Variants in ANXA7 observed in about 807,000 individuals in gnomAD.
ANXA7 encodes annexin A7.
Under a neutral mutation model 64.9 loss-of-function variants are expected in ANXA7, and 55 were observed. The ratio of observed to expected loss-of-function variants is 0.85; its 90% confidence interval spans 0.68 to 1.06. The LOEUF is 1.06. Ranked by LOEUF, ANXA7 falls within the 50% of genes least tolerant of loss-of-function variation. The probability of loss-of-function intolerance (pLI) is 0.00; values close to 1 mark genes in which losing one functional copy is unlikely to be tolerated. For synonymous variants in ANXA7, 200 were observed against 192.4 expected (o/e 1.04, Z -0.33); for missense variants, 548 against 582.1 (o/e 0.94, Z 0.60).
At chr10:73,386,129 G>A (rs1033320613) in intron 7 of ANXA7, among the ~76,000 whole-genome samples, 1 of 150,442 alleles carries the variant, frequency 6.6e-6, no homozygotes, top group Non-Finnish European at 1.5e-5. Flanking sequence ...CACGAAAATC[G>A]CTCTTGCCTG....
intron 1 of ANXA7, among the ~76,000 whole-genome samples, chr10:73,410,562 C>T (rs941993907): frequency 2.0e-5 from 3 of 152,038 alleles, no homozygotes; most frequent in Non-Finnish European, 4.4e-5. Flanking sequence ...GACGGGCGAT[C>T]ACCTGAGGTT....
chr10:73,398,273 C>G lies in ANXA7; in HGVS notation c.167G>C (p.Gly56Ala). 1 of 1,614,044 alleles carries G rather than the reference C, an allele frequency of 6.2e-7. No individual in the cohort carries two copies. Among genetic ancestry groups the G allele is most frequent in the Non-Finnish European group, 8.5e-7 (1 of 1,180,016 alleles). ...TCCAGGCGCAGGGTAGCCTCCAGCT[C>G]CTGGGTAGCCACTACTTGGCACTTG... Reference protein sequence around the residue: ...YPQVPSSGYPGAGGYPAPGGY... With the variant: ...YPQVPSSGYPAAGGYPAPGGY... Residue 56 changes from glycine (G) to alanine (A), a missense_variant, in exon 3 of 13, where the codon GGA becomes GCA. Coordinates refer to ENST00000372921, the MANE Select transcript of ANXA7 (RefSeq NM_001156.5).
chr10:73,397,091 T>G (rs2055587515), intron 4 of ANXA7, 73 bp downstream of exon 4: 1 of 645,864 alleles, frequency 1.5e-6, no homozygotes. Context: ...AAATATAAAC[T>G]AAGTTCCCTC....
chr10:73,406,264 T>C (rs188121589), intron 1 of ANXA7, among the ~76,000 whole-genome samples: 1 of 152,316 alleles, frequency 6.6e-6, no homozygotes, highest in African/African-American at 2.4e-5. Flanking sequence ...CCAAAACCAG[T>C]GTTTTTCTAT....
intron 7 of ANXA7, among the ~76,000 whole-genome samples, chr10:73,387,245 T>C (rs1008010816): frequency 6.6e-6 from 1 of 152,250 alleles, no homozygotes; most frequent in Non-Finnish European, 1.5e-5. Flanking sequence ...CCAGGCATGG[T>C]GGCTCACGCC....
At chr10:73,409,133 C>T (rs887912019) in intron 1 of ANXA7, among the ~76,000 whole-genome samples, 3 of 152,214 alleles carry the variant, frequency 2.0e-5, no homozygotes, top group African/African-American at 7.2e-5. Context: ...ACTTTCACCA[C>T]TCCTATTCGA....
At chr10:73,397,070 C>A in intron 4 of ANXA7, 94 bp downstream of exon 4, 2 of 501,922 alleles carry the variant, frequency 4.0e-6, no homozygotes, top group Non-Finnish European at 3.5e-6. Flanking sequence ...ACATTTATTG[C>A]AGATTATCTC....
Position 73,398,345 on chromosome 10 carries a change from T to C in ANXA7, c.95A>G (p.Tyr32Cys), listed in dbSNP as rs1197147041. The C allele has an allele frequency of 1.9e-6, 3 of 1,613,900 alleles. No individual in the cohort carries two copies. The highest frequency in any genetic ancestry group is 8.5e-7 in the Non-Finnish European group (1 of 1,180,018). ...TGGAGGAAAGCCACTAGGATAAGGA[T>C]ACTGACCAGAAGGGGGAAAAGATGA... ...QESSFPPSGQ[Y>C]PYPSGFPPMG... Residue 32 changes from tyrosine (Y) to cysteine (C), a missense_variant, in exon 3 of 13, where the codon TAT becomes TGT. Tyr to Cys is a radical substitution (Grantham distance 194). Transcript: ENST00000372921.
At chr10:73,381,584 A>G (rs1289286043) in intron 9 of ANXA7, 2 of 152,236 alleles carry the variant, frequency 1.3e-5, no homozygotes, top group African/African-American at 4.8e-5. Context: ...AAAGGTACTC[A>G]CAAAAAATTT....
chr10:73,400,681 C>T (rs74739037), intron 2 of ANXA7, 122 bp downstream of exon 2: 55,054 of 708,630 alleles, frequency 0.078, 3,484 homozygotes, highest in East Asian at 0.28. Context: ...CTCACTTCTA[C>T]GTAGTACCTC....
intron 1 of ANXA7, among the ~76,000 whole-genome samples, chr10:73,404,577 A>C (rs984055014): frequency 6.6e-6 from 1 of 152,204 alleles, no homozygotes; most frequent in Non-Finnish European, 1.5e-5. Context: ...AGACATAATA[A>C]GCAGTCAGGA....
At position 73,380,014 on chromosome 10, in the gene ANXA7, A is replaced by G. The variant is rs2055248937; in HGVS notation, c.1089+17T>C. ...ATCTTACAGCAGAAGCCAAATCTTCAAAAGAAAAGCTCATACCCTAGAATA... is the reference window on the plus strand; with the variant it reads ...ATCTTACAGCAGAAGCCAAATCTTCGAAAGAAAAGCTCATACCCTAGAATA... On this transcript the variant is annotated intron_variant, in intron 10 of 12. Coordinates refer to ENST00000372921, the MANE Select transcript of ANXA7 (RefSeq NM_001156.5). 6.2e-7 allele frequency: 1 copy of G among 1,611,492 alleles called. No homozygotes were observed.
chr10:73,398,494 CT>C, intron 2 of ANXA7, 109 bp from the exon 3 acceptor site: 1 of 1,016,516 alleles, frequency 9.8e-7, no homozygotes, highest in Non-Finnish European at 1.4e-6. Flanking sequence ...CATTCTTTTA[CT>C]TTTTAAAAGT....
At chr10:73,407,829 G>A (rs184417100) in intron 1 of ANXA7, among the ~76,000 whole-genome samples, 1 of 152,232 alleles carries the variant, frequency 6.6e-6, no homozygotes, top group East Asian at 1.9e-4. Flanking sequence ...AGAATAAACG[G>A]ACATAGATTG....
intron 9 of ANXA7, among the ~76,000 whole-genome samples, chr10:73,382,252 C>T (rs1162442731): frequency 6.6e-6 from 1 of 152,226 alleles, no homozygotes; most frequent in African/African-American, 2.4e-5. Flanking sequence ...GCACAATAGG[C>T]AATAACTCTT....
chr10:73,400,037 G>T (rs1448977012), intron 2 of ANXA7, among the ~76,000 whole-genome samples: 1 of 151,620 alleles, frequency 6.6e-6, no homozygotes, highest in Non-Finnish European at 1.5e-5. Context: ...TAGCTACTCG[G>T]GAGGCTGAGG....
chr10:73,382,445 T>A (rs550266394), intron 9 of ANXA7, among the ~76,000 whole-genome samples: 1 of 152,196 alleles, frequency 6.6e-6, no homozygotes, highest in East Asian at 1.9e-4. Context: ...TGGGCTCAAG[T>A]GATCCTCCCA....
chr10:73,395,716 G>A lies in ANXA7; in HGVS notation c.435+803C>T, dbSNP rs2055558500. On this transcript the variant is annotated intron_variant, in intron 5 of 12. Coordinates refer to ENST00000372921, the MANE Select transcript of ANXA7 (RefSeq NM_001156.5). ...CAGGAAAATCGCTTGAACCCGGAAG[G>A]TGGAGGGTGCAGTGAGCCGAGGTCG... Among the ~76,000 whole-genome samples, 4 of 152,068 alleles carry A rather than the reference G, an allele frequency of 2.6e-5. No individual in the cohort carries two copies. The South Asian group carries it at 6.2e-4, about 24-fold the overall frequency.
chr10:73,392,335 CAGT>C (rs2055498742), intron 5 of ANXA7, among the ~76,000 whole-genome samples: 1 of 152,180 alleles, frequency 6.6e-6, no homozygotes, highest in South Asian at 2.1e-4. Context: ...GCGGAATCCT[CAGT>C]AACTCATTTT....
Sources: gnomAD v4.1 joint callset for allele counts (sites outside exome capture counted in the v4.1 genomes callset) on GRCh38, gnomAD v4.1.1 for gene constraint, MANE v1.5 for transcripts, NCBI Gene and HGNC (gene_info 2026-07-23, HGNC 2026-07-21) for gene names.